The following DLG2 variants were observed in gnomAD, a reference collection of about 807,000 sequenced individuals.
DLG2 encodes the protein discs large MAGUK scaffold protein 2, also known as disks large homolog 2.
In DLG2, 45 loss-of-function variants were observed where a neutral mutation model predicts 132.5. The observed-to-expected ratio is 0.34, with a 90% confidence interval of 0.27 to 0.44. DLG2 has a LOEUF of 0.44. Among genes scored for constraint, DLG2 ranks in the 20% least tolerant of loss-of-function variants. The pLI is 1.00. For synonymous variants in DLG2, 424 were observed against 419.6 expected, an observed-to-expected ratio of 1.01 and a Z score of -0.13; for missense variants, 1,045 against 1,196.9, an observed-to-expected ratio of 0.87 and a Z score of 1.87.
intron 3 of DLG2, among the ~76,000 whole-genome samples, chr11:85,512,561 T>C (rs1385165911): frequency 6.6e-6 from 1 of 152,084 alleles, no homozygotes; most frequent in African/African-American, 2.4e-5. Context: ...TTACTGTCAC[T>C]GTCAAAAATG....
intron 3 of DLG2, among the ~76,000 whole-genome samples, chr11:85,308,372 C>T (rs760653362): frequency 1.3e-5 from 2 of 151,750 alleles, no homozygotes; most frequent in Admixed American, 6.6e-5. Context: ...CCCAGGATGC[C>T]GATTTCTACA....
At chr11:85,514,395 G>C (rs1347924001) in intron 3 of DLG2, among the ~76,000 whole-genome samples, 1 of 151,944 alleles carries the variant, frequency 6.6e-6, no homozygotes, top group South Asian at 2.1e-4. Flanking sequence ...AAATCACATA[G>C]GAGAAATTTT....
intron 6 of DLG2, among the ~76,000 whole-genome samples, chr11:85,064,890 TTCTC>T (rs879539026): frequency 1.3e-5 from 2 of 150,742 alleles, no homozygotes; most frequent in Non-Finnish European, 3.0e-5. Context: ...CTCTCTCTCT[TTCTC>T]TCTCTCTCTC....
intron 18 of DLG2, among the ~76,000 whole-genome samples, chr11:83,737,711 T>C (rs1021169101): frequency 3.3e-5 from 5 of 152,204 alleles, no homozygotes; most frequent in African/African-American, 1.2e-4. Flanking sequence ...CCCAGCACTT[T>C]GGGAGGCCAA....
intron 19 of DLG2, among the ~76,000 whole-genome samples, chr11:83,600,421 C>A (rs1035798173): frequency 6.6e-6 from 1 of 152,142 alleles, no homozygotes; most frequent in Non-Finnish European, 1.5e-5. Context: ...ACTTAAAGTC[C>A]ATTCCTGAAT....
intron 7 of DLG2, among the ~76,000 whole-genome samples, chr11:84,264,857 G>A (rs1160282632): frequency 6.6e-6 from 1 of 152,130 alleles, no homozygotes; most frequent in Middle Eastern, 3.2e-3. Flanking sequence ...CCTGCACTTG[G>A]ATTTAGCAGA....
rs1197606048 is a variant in DLG2, at chr11:84,576,783, T to G, written c.358-42052A>C. 3.9e-5 allele frequency among the ~76,000 whole-genome samples: 6 copies of G among 152,214 alleles called. No homozygotes were observed. In the East Asian group the frequency reaches 1.2e-3, roughly 29 times the overall value. ...GACACAAAGAATCTATGTGGATTTT[T>G]AGTATCTTAATTCTTGTAGATTTCC... On this transcript the variant is annotated intron_variant, in intron 6 of 27. Coordinates refer to ENST00000376104, the MANE Select transcript of DLG2 (RefSeq NM_001142699.3).
At chr11:85,244,256 T>C (rs1161403288) in intron 4 of DLG2, among the ~76,000 whole-genome samples, 2 of 151,962 alleles carry the variant, frequency 1.3e-5, no homozygotes, top group East Asian at 3.9e-4. Context: ...ATTTAGAAGT[T>C]TAGTAGGTGT....
At chr11:85,466,792 G>A (rs1399073923) in intron 3 of DLG2, among the ~76,000 whole-genome samples, 2 of 152,102 alleles carry the variant, frequency 1.3e-5, no homozygotes, top group Non-Finnish European at 2.9e-5. Context: ...TGGCAATGTG[G>A]GTTCTTTTTT....
chr11:84,899,866 G>A (rs889131247), intron 6 of DLG2, among the ~76,000 whole-genome samples: 4 of 151,986 alleles, frequency 2.6e-5, no homozygotes, highest in African/African-American at 9.7e-5. Context: ...GAAGACACAG[G>A]CCCTTCTGGA....
At chr11:83,899,779 A>G (rs2072891460) in intron 15 of DLG2, among the ~76,000 whole-genome samples, 1 of 152,170 alleles carries the variant, frequency 6.6e-6, no homozygotes, top group Non-Finnish European at 1.5e-5. Flanking sequence ...AAATGAACTA[A>G]TACAGCAAAT....
At chr11:85,522,168 C>A (rs546655321) in intron 3 of DLG2, among the ~76,000 whole-genome samples, 13 of 152,264 alleles carry the variant, frequency 8.5e-5, no homozygotes, top group South Asian at 2.1e-4. Context: ...GTGTCCCAGC[C>A]ACTCCAGCCA....
At chr11:84,405,249 C>T (rs2098844571) in intron 7 of DLG2, among the ~76,000 whole-genome samples, 1 of 152,172 alleles carries the variant, frequency 6.6e-6, no homozygotes, top group South Asian at 2.1e-4. Flanking sequence ...TGCCTTGCAG[C>T]TGTAGTATTC....
chr11:83,485,854 G>A (rs905683834), intron 21 of DLG2, among the ~76,000 whole-genome samples: 1 of 152,032 alleles, frequency 6.6e-6, no homozygotes, highest in Non-Finnish European at 1.5e-5. Flanking sequence ...GCTGTCACTC[G>A]GTAAGTAATT....
intron 17 of DLG2, among the ~76,000 whole-genome samples, chr11:83,810,465 A>T (rs950039233): frequency 7.9e-5 from 12 of 152,068 alleles, no homozygotes; most frequent in Admixed American, 4.6e-4. Flanking sequence ...AAGGAAGAAA[A>T]ATCCAGGGAT....
At chr11:83,743,832 C>T (rs1295380232) in intron 18 of DLG2, among the ~76,000 whole-genome samples, 1 of 152,092 alleles carries the variant, frequency 6.6e-6, no homozygotes, top group Admixed American at 6.6e-5. Context: ...ATGGGGATTA[C>T]ACGAATGAAA....
intron 6 of DLG2, among the ~76,000 whole-genome samples, chr11:84,629,831 A>G (rs1263898856): frequency 6.6e-6 from 1 of 152,200 alleles, no homozygotes; most frequent in Non-Finnish European, 1.5e-5. Flanking sequence ...GAGAAAAGGA[A>G]AAGTGGAGGA....
intron 15 of DLG2, among the ~76,000 whole-genome samples, chr11:83,924,976 T>C (rs574757333): frequency 1.3e-5 from 2 of 152,266 alleles, no homozygotes; most frequent in African/African-American, 4.8e-5. Flanking sequence ...TGTATGTTAA[T>C]GCCTCTGCAG....
intron 12 of DLG2, among the ~76,000 whole-genome samples, chr11:83,967,893 T>G (rs2090549014): frequency 6.6e-6 from 1 of 152,178 alleles, no homozygotes; most frequent in Admixed American, 6.6e-5. Context: ...AGCTGATTTT[T>G]GCATATGGCA....
Sources: gnomAD v4.1 joint callset for allele counts (sites outside exome capture counted in the v4.1 genomes callset) on GRCh38, gnomAD v4.1.1 for gene constraint, MANE v1.5 for transcripts, NCBI Gene and HGNC (gene_info 2026-07-23, HGNC 2026-07-21) for gene names.